The following TEX11 variants were observed in gnomAD, a reference collection of about 807,000 sequenced individuals.
TEX11 encodes testis expressed 11, also known as testis-expressed protein 11.
In TEX11, 7 loss-of-function variants were observed where a neutral mutation model predicts 84.4. The observed-to-expected ratio is 0.08, with a 90% CI of 0.05 to 0.16. The LOEUF (loss-of-function observed/expected upper bound fraction) is 0.16, where lower values mean the gene tolerates loss of function less well. Ranked by LOEUF, TEX11 falls within the 10% of genes least tolerant of loss-of-function variation. The pLI, the probability that TEX11 is intolerant of heterozygous loss-of-function variation, is 1.00. For synonymous variants in TEX11, 264 were observed against 222.8 expected (o/e 1.18, Z -1.64); for missense variants, 551 against 660.5 (o/e 0.83, Z 1.82).
intron 20 of TEX11, among the ~76,000 whole-genome samples, chrX:70,613,579 G>A (rs761046626): frequency 1.1e-4 from 12 of 111,787 alleles, no homozygotes; most frequent in African/African-American, 3.9e-4. Flanking sequence ...GTCATCATGG[G>A]CTAAAGTGCT....
downstream of TEX11, among the ~76,000 whole-genome samples, chrX:70,525,431 A>G (rs1196166021): frequency 1.8e-5 from 2 of 110,391 alleles, no homozygotes; most frequent in Non-Finnish European, 3.8e-5. Flanking sequence ...ACAAAAAAAT[A>G]GAAAAATTAG....
intron 2 of TEX11, among the ~76,000 whole-genome samples, chrX:70,905,214 G>A (rs187143064): frequency 2.7e-5 from 3 of 111,707 alleles, no homozygotes; most frequent in East Asian, 2.8e-4. Context: ...CCCCAGCTAC[G>A]CGGGAGGCTG....
chrX:70,730,942 T>C (rs1188883143), intron 11 of TEX11, among the ~76,000 whole-genome samples: 3 of 112,096 alleles, frequency 2.7e-5, no homozygotes, highest in Admixed American at 1.9e-4. Context: ...ACAGAAATTA[T>C]AACAAACAGT....
chrX:70,894,555 G>C (rs2091757060), intron 2 of TEX11, among the ~76,000 whole-genome samples: 1 of 109,668 alleles, frequency 9.1e-6, no homozygotes, highest in Admixed American at 9.8e-5. Context: ...GAACCCGGGA[G>C]GAAGAGGTTG....
intron 24 of TEX11, among the ~76,000 whole-genome samples, chrX:70,598,648 A>C (rs186727094): frequency 2.0e-3 from 230 of 112,520 alleles, no homozygotes; most frequent in Non-Finnish European, 3.7e-3. Flanking sequence ...GATTTTAAAA[A>C]TGTGATATAT....
chrX:70,639,609 C>A (rs1281677319), intron 17 of TEX11, among the ~76,000 whole-genome samples: 1 of 111,642 alleles, frequency 9.0e-6, no homozygotes, highest in Non-Finnish European at 1.9e-5. Context: ...GGCTCCCTGA[C>A]CCCTGACCCC....
chrX:70,622,570 G>C (rs1328576388), intron 20 of TEX11, among the ~76,000 whole-genome samples: 1 of 111,468 alleles, frequency 9.0e-6, no homozygotes, highest in Non-Finnish European at 1.9e-5. Flanking sequence ...ACTGCCCTAG[G>C]TTTCAGTGAT....
At chrX:70,600,811 G>A (rs1249883535) in intron 24 of TEX11, among the ~76,000 whole-genome samples, 1 of 62,254 alleles carries the variant, frequency 1.6e-5, no homozygotes, top group East Asian at 4.8e-4. Context: ...GATGTTCTTT[G>A]AAACCAACGA....
At chrX:70,621,021 T>C (rs1292784199) in intron 20 of TEX11, among the ~76,000 whole-genome samples, 2 of 111,220 alleles carry the variant, frequency 1.8e-5, no homozygotes, top group Admixed American at 9.6e-5. Context: ...TCCAAACCCA[T>C]AGAATGTACA....
chrX:70,842,711 A>G (rs1413783693), intron 7 of TEX11, among the ~76,000 whole-genome samples: 2 of 111,840 alleles, frequency 1.8e-5, no homozygotes, highest in South Asian at 3.8e-4. Flanking sequence ...TGTAGATGAC[A>G]TGATTGTACA....
chrX:70,887,130 C>G, intron 2 of TEX11, among the ~76,000 whole-genome samples: 1 of 111,789 alleles, frequency 8.9e-6, no homozygotes, highest in Admixed American at 9.5e-5. Flanking sequence ...AGGTCTGTAT[C>G]CTTCCCTTCA....
At chrX:70,619,837 G>A (rs1410467918) in intron 20 of TEX11, among the ~76,000 whole-genome samples, 1 of 105,339 alleles carries the variant, frequency 9.5e-6, no homozygotes, top group Non-Finnish European at 1.9e-5. Context: ...TTTTTGAGAC[G>A]GAGTCTCACT....
intron 9 of TEX11, among the ~76,000 whole-genome samples, chrX:70,757,307 ACACACAATTGT>A (rs2090874451): frequency 9.0e-6 from 1 of 111,326 alleles, no homozygotes; most frequent in Non-Finnish European, 1.9e-5. Context: ...CAACCCCAAG[ACACACAATTGT>A]CAGATTCACC....
At chrX:70,522,236 TCA>T in the TEX11 span, among the ~76,000 whole-genome samples, 3 of 111,916 alleles carry the variant, frequency 2.7e-5, no homozygotes, top group East Asian at 8.4e-4. Context: ...TCTCTGAGCT[TCA>T]CTTTCTCACA....
At chrX:70,889,985 T>C (rs1490725229) in intron 2 of TEX11, among the ~76,000 whole-genome samples, 3 of 110,813 alleles carry the variant, frequency 2.7e-5, no homozygotes, top group East Asian at 2.8e-4. Flanking sequence ...TCAAAAGACA[T>C]AGAGTGGCTA....
chrX:70,704,116 T>C (rs944283106), intron 13 of TEX11, among the ~76,000 whole-genome samples: 1 of 100,695 alleles, frequency 9.9e-6, no homozygotes. Flanking sequence ...TCTGTCTCTG[T>C]CTCTCTCTCT....
chrX:70,552,487 C>T (rs761518457), intron 27 of TEX11, among the ~76,000 whole-genome samples: 170 of 110,694 alleles, frequency 1.5e-3, no homozygotes, highest in Non-Finnish European at 2.8e-3. Context: ...GTTTCCTGCA[C>T]GAAGGAGTTG....
chrX:70,516,648 T>A, the TEX11 span, among the ~76,000 whole-genome samples: 4 of 111,431 alleles, frequency 3.6e-5, no homozygotes, highest in African/African-American at 1.3e-4. Flanking sequence ...TTTTTTCCAA[T>A]TCTGTGAAGA....
chrX:70,734,851 G>C (rs2090683565), intron 11 of TEX11, among the ~76,000 whole-genome samples: 1 of 111,142 alleles, frequency 9.0e-6, no homozygotes, highest in Non-Finnish European at 1.9e-5. Context: ...CTGACAAAGG[G>C]CATCTATACT....
Sources: gnomAD v4.1 joint callset for allele counts (sites outside exome capture counted in the v4.1 genomes callset) on GRCh38, gnomAD v4.1.1 for gene constraint, MANE v1.5 for transcripts, NCBI Gene and HGNC (gene_info 2026-07-23, HGNC 2026-07-21) for gene names.